Variants in DCC observed in about 807,000 individuals in gnomAD.
DCC encodes DCC netrin 1 receptor.
Under a neutral mutation model 172.5 loss-of-function variants are expected in DCC, and 58 were observed. That is an observed-to-expected ratio of 0.34 (90% CI 0.27 to 0.42). DCC has a LOEUF of 0.42. Ranked by LOEUF, DCC falls within the 10% of genes least tolerant of loss-of-function variation. The pLI is 1.00. For missense variants in DCC, 1,740 were observed against 1,791.0 expected (o/e 0.97, Z 0.51); for synonymous variants, 709 against 644.5 (o/e 1.10, Z -1.52).
chr18:52,825,390 T>A (rs2038492239), intron 2 of DCC, among the ~76,000 whole-genome samples: 1 of 152,186 alleles, frequency 6.6e-6, no homozygotes, highest in Admixed American at 6.5e-5. Flanking sequence ...AAAAATAAAA[T>A]TAAGCAACTC....
chr18:53,436,446 C>T (rs1202416191), intron 22 of DCC, among the ~76,000 whole-genome samples: 1 of 152,082 alleles, frequency 6.6e-6, no homozygotes, highest in Non-Finnish European at 1.5e-5. Flanking sequence ...GTCAAAATTC[C>T]AATCTAAAAA....
At chr18:52,582,548 G>A (rs2033573597) in intron 1 of DCC, among the ~76,000 whole-genome samples, 1 of 152,070 alleles carries the variant, frequency 6.6e-6, no homozygotes, top group African/African-American at 2.4e-5. Context: ...TTGAAGTTTT[G>A]GTCACCAGCT....
intron 2 of DCC, among the ~76,000 whole-genome samples, chr18:52,883,348 TTATGTGTGTGTG>T (rs58125385): frequency 0.026 from 2,736 of 106,276 alleles, 87 homozygotes; most frequent in African/African-American, 0.084. Flanking sequence ...ATTTATTTAT[TTATGTGTGTGTG>T]TGTGTGTGTG....
chr18:53,253,790 A>T (rs2056471730), intron 12 of DCC, among the ~76,000 whole-genome samples: 1 of 152,072 alleles, frequency 6.6e-6, no homozygotes, highest in African/African-American at 2.4e-5. Flanking sequence ...TTAGATTGAA[A>T]CTAATTATAA....
intron 7 of DCC, among the ~76,000 whole-genome samples, chr18:53,143,554 T>G (rs972222863): frequency 6.6e-6 from 1 of 152,242 alleles, no homozygotes; most frequent in African/African-American, 2.4e-5. Flanking sequence ...GATTTTTGTC[T>G]TATTTTCTAG....
intron 1 of DCC, among the ~76,000 whole-genome samples, chr18:52,553,017 G>T (rs1424500625): frequency 1.3e-5 from 2 of 151,958 alleles, no homozygotes; most frequent in Non-Finnish European, 2.9e-5. Flanking sequence ...AAGGTTCAAA[G>T]GGAAATGTCT....
chr18:53,010,950 G>A (rs2041721549), intron 5 of DCC, among the ~76,000 whole-genome samples: 1 of 150,982 alleles, frequency 6.6e-6, no homozygotes, highest in Non-Finnish European at 1.5e-5. Context: ...AACATAAAGT[G>A]GTGGATACTC....
intron 15 of DCC, among the ~76,000 whole-genome samples, chr18:53,383,731 T>C (rs1907939566): frequency 6.6e-6 from 1 of 151,690 alleles, no homozygotes; most frequent in South Asian, 2.1e-4. Flanking sequence ...CAATTTTGAG[T>C]TCAAACTTAT....
At chr18:52,470,912 G>C (rs1290093612) in intron 1 of DCC, among the ~76,000 whole-genome samples, 1 of 152,186 alleles carries the variant, frequency 6.6e-6, no homozygotes, top group Non-Finnish European at 1.5e-5. Flanking sequence ...TACAGTAACA[G>C]ATAGGCATAA....
At chr18:53,222,071 T>C (rs1332326941) in intron 12 of DCC, among the ~76,000 whole-genome samples, 1 of 152,126 alleles carries the variant, frequency 6.6e-6, no homozygotes, top group Admixed American at 6.5e-5. Context: ...ATTCTTAGAC[T>C]TTTTTTGAAG....
intron 1 of DCC, among the ~76,000 whole-genome samples, chr18:52,483,541 A>G (rs1463549302): frequency 6.6e-6 from 1 of 152,212 alleles, no homozygotes; most frequent in East Asian, 1.9e-4. Flanking sequence ...GTTGTAAATC[A>G]TACTTCTTGA....
chr18:52,374,755 T>A (rs2094110576), intron 1 of DCC, among the ~76,000 whole-genome samples: 1 of 152,212 alleles, frequency 6.6e-6, no homozygotes, highest in Non-Finnish European at 1.5e-5. Context: ...ACTGGACCCA[T>A]TAGTCTTTAG....
At chr18:53,027,455 G>A (rs147696287) in intron 5 of DCC, among the ~76,000 whole-genome samples, 13 of 152,140 alleles carry the variant, frequency 8.5e-5, no homozygotes, top group African/African-American at 2.6e-4. Flanking sequence ...AATGTCATTC[G>A]GAGAGCCAGT....
chr18:53,254,938 G>T (rs899706442), intron 12 of DCC, among the ~76,000 whole-genome samples: 6 of 152,032 alleles, frequency 3.9e-5, no homozygotes, highest in Admixed American at 2.0e-4. Flanking sequence ...TATAGGACAG[G>T]CATTTCCCCC....
intron 1 of DCC, among the ~76,000 whole-genome samples, chr18:52,590,101 AT>A (rs1454320450): frequency 6.6e-6 from 1 of 151,958 alleles, no homozygotes; most frequent in Non-Finnish European, 1.5e-5. Context: ...TGGAATTTTG[AT>A]CTAGGTTCTG....
chr18:52,950,537 T>C (rs188641997), intron 5 of DCC, among the ~76,000 whole-genome samples: 1,736 of 152,294 alleles, frequency 0.011, 16 homozygotes, highest in Non-Finnish European at 0.019. Flanking sequence ...GTCAAATCAA[T>C]GTGGCCAGGC....
chr18:52,442,424 A>G (rs374531899), intron 1 of DCC, among the ~76,000 whole-genome samples: 1 of 152,236 alleles, frequency 6.6e-6, no homozygotes, highest in African/African-American at 2.4e-5. Context: ...TAATAATTAT[A>G]ACAATAAGAT....
intron 1 of DCC, among the ~76,000 whole-genome samples, chr18:52,497,837 A>G (rs2030861782): frequency 6.6e-6 from 1 of 152,168 alleles, no homozygotes; most frequent in Admixed American, 6.5e-5. Flanking sequence ...AGGCAGCAGA[A>G]TCTGCATTGT....
intron 1 of DCC, among the ~76,000 whole-genome samples, chr18:52,504,399 TC>T (rs2031149656): frequency 6.6e-6 from 1 of 152,142 alleles, no homozygotes; most frequent in African/African-American, 2.4e-5. Context: ...TTCCTGTCCT[TC>T]TACCCCTCTG....
Sources: gnomAD v4.1 joint callset for allele counts (sites outside exome capture counted in the v4.1 genomes callset) on GRCh38, gnomAD v4.1.1 for gene constraint, MANE v1.5 for transcripts, NCBI Gene and HGNC (gene_info 2026-07-23, HGNC 2026-07-21) for gene names.